The following SEMA3E variants were observed in gnomAD, a reference collection of about 807,000 sequenced individuals.
The protein encoded by SEMA3E is semaphorin 3E, also known as semaphorin-3E.
SEMA3E carries 49 observed loss-of-function variants against 93.6 expected under a neutral mutation model. The observed-to-expected ratio is 0.52, with a 90% CI of 0.42 to 0.66. SEMA3E has a LOEUF of 0.66. Among genes scored for constraint, SEMA3E ranks in the 30% least tolerant of loss-of-function variants. The pLI is 0.00. For missense variants in SEMA3E, 906 were observed against 964.8 expected (o/e 0.94, Z 0.81); for synonymous variants, 363 against 330.7 (o/e 1.10, Z -1.06).
At chr7:83,454,272 A>AAAAT (rs1257792756) in intron 4 of SEMA3E, among the ~76,000 whole-genome samples, 7 of 110,112 alleles carry the variant, frequency 6.4e-5, no homozygotes, top group African/African-American at 2.2e-4. Context: ...AAAAAAAAAA[A>AAAAT]ATATATATAT....
intron 1 of SEMA3E, among the ~76,000 whole-genome samples, chr7:83,562,614 G>A (rs112071081): frequency 1.3e-5 from 2 of 152,074 alleles, no homozygotes; most frequent in African/African-American, 4.8e-5. Flanking sequence ...GTTAAAGCAG[G>A]ATATCTTTAT....
chr7:83,500,922 T>C (rs993704569), intron 1 of SEMA3E, among the ~76,000 whole-genome samples: 3 of 152,168 alleles, frequency 2.0e-5, no homozygotes, highest in Non-Finnish European at 4.4e-5. Context: ...ATGTATTCTA[T>C]GAAATTGTCT....
chr7:83,528,510 A>G (rs1033480002), intron 1 of SEMA3E, among the ~76,000 whole-genome samples: 1 of 152,124 alleles, frequency 6.6e-6, no homozygotes, highest in Admixed American at 6.6e-5. Context: ...AGCTTGGCAT[A>G]GATAAGTAAT....
intron 1 of SEMA3E, among the ~76,000 whole-genome samples, chr7:83,521,419 G>A (rs1296450360): frequency 6.6e-6 from 1 of 151,992 alleles, no homozygotes. Flanking sequence ...CATTAGCTAG[G>A]GCATAGTTGG....
intron 3 of SEMA3E, 150 bp from the exon 4 acceptor site, chr7:83,466,751 A>G (rs1349142183): frequency 3.2e-6 from 3 of 935,828 alleles, no homozygotes; most frequent in Non-Finnish European, 4.9e-6. Flanking sequence ...AGAAAAGAGG[A>G]CAAGAACTTG....
chr7:83,372,864 G>C (rs948211661), intron 16 of SEMA3E: 7 of 152,036 alleles, frequency 4.6e-5, no homozygotes, highest in African/African-American at 1.4e-4. Context: ...AATATAAAAT[G>C]ACTTAGAAAT....
intron 1 of SEMA3E, among the ~76,000 whole-genome samples, chr7:83,599,938 T>A (rs139022176): frequency 1.3e-5 from 2 of 152,232 alleles, no homozygotes; most frequent in East Asian, 3.9e-4. Flanking sequence ...TGAATGGGCC[T>A]TTTCTACACA....
At chr7:83,376,262 T>C (rs1317625456) in intron 16 of SEMA3E, among the ~76,000 whole-genome samples, 1 of 152,022 alleles carries the variant, frequency 6.6e-6, no homozygotes, top group Admixed American at 6.6e-5. Flanking sequence ...CCCTTGGAGT[T>C]ACTACCATAG....
chr7:83,378,835 T>C (rs1199589144), intron 16 of SEMA3E, among the ~76,000 whole-genome samples: 3 of 151,878 alleles, frequency 2.0e-5, no homozygotes, highest in Admixed American at 6.6e-5. Context: ...AAAAACAATA[T>C]AGAGATTTCT....
chr7:83,408,334 A>G (rs1340944396), intron 6 of SEMA3E, 34 bp downstream of exon 6: 6 of 1,613,178 alleles, frequency 3.7e-6, no homozygotes, highest in African/African-American at 1.3e-5. Flanking sequence ...GTTGATTTCA[A>G]TCCTAATTCA....
chr7:83,415,147 G>A (rs1176471765), intron 5 of SEMA3E, among the ~76,000 whole-genome samples: 1 of 152,066 alleles, frequency 6.6e-6, no homozygotes, highest in African/African-American at 2.4e-5. Flanking sequence ...AGTATATTTG[G>A]ATGATTTGAA....
chr7:83,442,713 A>G (rs1218825378), intron 4 of SEMA3E, among the ~76,000 whole-genome samples: 2 of 151,970 alleles, frequency 1.3e-5, no homozygotes, highest in Non-Finnish European at 2.9e-5. Context: ...TGTTTAGACC[A>G]TCCTCTACAT....
At chr7:83,605,189 T>G (rs1445002954) in intron 1 of SEMA3E, among the ~76,000 whole-genome samples, 2 of 152,144 alleles carry the variant, frequency 1.3e-5, no homozygotes, top group Non-Finnish European at 2.9e-5. Flanking sequence ...TGGTTCTAGG[T>G]TCTTGAGGAA....
At chr7:83,511,466 C>T (rs1415132421) in intron 1 of SEMA3E, among the ~76,000 whole-genome samples, 1 of 152,098 alleles carries the variant, frequency 6.6e-6, no homozygotes, top group African/African-American at 2.4e-5. Flanking sequence ...AGGTGATCTA[C>T]TTCTTAACTA....
chr7:83,633,783 G>T (rs1291298766), intron 1 of SEMA3E, among the ~76,000 whole-genome samples: 6 of 152,146 alleles, frequency 3.9e-5, no homozygotes, highest in Admixed American at 3.9e-4. Flanking sequence ...AATAGTCATT[G>T]AGGATAAAGG....
intron 15 of SEMA3E, among the ~76,000 whole-genome samples, chr7:83,385,737 C>G (rs1190356102): frequency 6.6e-6 from 1 of 152,054 alleles, no homozygotes; most frequent in Non-Finnish European, 1.5e-5. Context: ...TCTATTGCAA[C>G]CTCTATTGAG....
intron 1 of SEMA3E, among the ~76,000 whole-genome samples, chr7:83,583,552 T>C (rs1168481718): frequency 2.0e-5 from 3 of 152,132 alleles, no homozygotes; most frequent in Admixed American, 2.0e-4. Context: ...TCCTTCCCCA[T>C]ATTTATTTGG....
chr7:83,445,137 G>A (rs187503023), intron 4 of SEMA3E, among the ~76,000 whole-genome samples: 24 of 152,320 alleles, frequency 1.6e-4, no homozygotes, highest in African/African-American at 5.3e-4. Context: ...TAACCAGTCC[G>A]TTTCAACAAA....
chr7:83,445,113 G>C (rs1383975413), intron 4 of SEMA3E, among the ~76,000 whole-genome samples: 1 of 152,162 alleles, frequency 6.6e-6, no homozygotes, highest in Admixed American at 6.5e-5. Flanking sequence ...CAACTAGAAG[G>C]CTGTAGGTAA....
Sources: gnomAD v4.1 joint callset for allele counts (sites outside exome capture counted in the v4.1 genomes callset) on GRCh38, gnomAD v4.1.1 for gene constraint, MANE v1.5 for transcripts, NCBI Gene and HGNC (gene_info 2026-07-23, HGNC 2026-07-21) for gene names.